TRIM63: variants seen among roughly 807,000 people sequenced by gnomAD.
The protein encoded by TRIM63 is tripartite motif containing 63.
TRIM63 carries 48 observed loss-of-function variants against 46.0 expected under a neutral mutation model. The ratio of observed to expected loss-of-function variants is 1.04; its 90% CI spans 0.83 to 1.33. The LOEUF (loss-of-function observed/expected upper bound fraction) is 1.33. TRIM63 is among the 40% of genes most tolerant of loss of function. The pLI, the probability that TRIM63 is intolerant of heterozygous loss-of-function variation, is 0.00. For synonymous variants in TRIM63, 175 were observed against 162.8 expected (o/e 1.08, Z -0.57); for missense variants, 455 against 441.2 (o/e 1.03, Z -0.28).
chr1:26,066,482 T>C, intron 1 of TRIM63, 42 bp from the exon 2 acceptor site: 1 of 1,490,984 alleles, frequency 6.7e-7, no homozygotes, highest in Non-Finnish European at 8.9e-7. Context: ...GGCTCCCTAC[T>C]TAGCCCTTCT....
Position 26,051,785 on chromosome 1 carries a change from CA to C in TRIM63, c.*87del. 1.4e-6 allele frequency: 1 copy of C among 723,234 alleles called. No homozygotes were observed. Among genetic ancestry groups the C allele is most frequent in the Admixed American group, 3.5e-5 (1 of 28,240 alleles). The allele number at this position is 723,234 out of a possible 1,614,324, so 44.8% of individuals were successfully genotyped here. On this transcript the variant is annotated 3_prime_UTR_variant, in exon 9 of 9. Coordinates refer to ENST00000374272, the MANE Select transcript of TRIM63 (RefSeq NM_032588.4). ...CCCCTCCAGGGGCCCCGACCCCTCC[CA>C]CCCTGGGCCTGTCACCAAGGCCGCT...
chr1:26,066,541 C>T (rs1010422634), intron 1 of TRIM63, 101 bp from the exon 2 acceptor site: 52 of 1,132,364 alleles, frequency 4.6e-5, no homozygotes, highest in Admixed American at 9.1e-5. Flanking sequence ...GAACCACCCC[C>T]GTCAAACCTA....
chr1:26,065,649 CT>C (rs1306174317), intron 2 of TRIM63, among the ~76,000 whole-genome samples: 2 of 152,226 alleles, frequency 1.3e-5, no homozygotes, highest in Non-Finnish European at 2.9e-5. Context: ...ACCTCCACCA[CT>C]CACACATTCT....
intron 2 of TRIM63, among the ~76,000 whole-genome samples, chr1:26,063,792 A>T (rs2050648620): frequency 6.6e-6 from 1 of 152,190 alleles, no homozygotes; most frequent in African/African-American, 2.4e-5. Context: ...CACAGAGCAG[A>T]CCCTCAATAG....
At chr1:26,062,134 G>C (rs1258223760) in intron 2 of TRIM63, among the ~76,000 whole-genome samples, 1 of 151,962 alleles carries the variant, frequency 6.6e-6, no homozygotes, top group Non-Finnish European at 1.5e-5. Context: ...ACCAGGCATG[G>C]TGGCATGCAC....
rs1351140998 is a variant in TRIM63 at position 26,061,148 on chromosome 1, A to T, written c.501+18T>A. 6.2e-7 allele frequency: 1 copy of T among 1,610,144 alleles called. No individual in the cohort carries two copies. The highest frequency in any genetic ancestry group is 8.5e-7 in the Non-Finnish European group (1 of 1,177,560). On this transcript the variant is annotated intron_variant, in intron 3 of 8. Transcript: ENST00000374272. Reference sequence around the variant, plus strand: ...CCAGCAGGCCCAGGCTGGGGGTAAAAGTGGCTGGAGACAGTACCTTTTGTC... The same window carrying T: ...CCAGCAGGCCCAGGCTGGGGGTAAATGTGGCTGGAGACAGTACCTTTTGTC...
At chr1:26,058,901 G>A (rs1249829814) in intron 4 of TRIM63, among the ~76,000 whole-genome samples, 1 of 151,950 alleles carries the variant, frequency 6.6e-6, no homozygotes, top group Non-Finnish European at 1.5e-5. Flanking sequence ...GACACAACAT[G>A]TTCTTCCTTG....
rs2050613846 is a variant in TRIM63, at chr1:26,060,490, G to GC, written c.502-130dup. ...AGAAAGAGCCTCCAGTAGGGATCTG[G>GC]CCCCTCTTTCGGGTATAGCTCAGCT... On this transcript the variant is annotated intron_variant, in intron 3 of 8. Transcript: ENST00000374272. 6.0e-6 allele frequency: 4 copies of GC among 670,144 alleles called. No individual in the cohort carries two copies. In the East Asian group the frequency reaches 1.0e-4, roughly 18 times the overall value. The allele number at this position is 670,144 out of a possible 1,614,324, so 41.5% of individuals were successfully genotyped here.
chr1:26,057,136 T>C (rs2050579336), intron 7 of TRIM63, 67 bp downstream of exon 7: 4 of 1,596,608 alleles, frequency 2.5e-6, no homozygotes, highest in Non-Finnish European at 3.4e-6. Context: ...TCGGGCTCAG[T>C]TGGAGGGATG....
intron 2 of TRIM63, among the ~76,000 whole-genome samples, chr1:26,064,578 C>T (rs923766983): frequency 2.0e-5 from 3 of 152,130 alleles, no homozygotes; most frequent in South Asian, 2.1e-4. Context: ...AATGCCTTCC[C>T]GGGTTACTAT....
chr1:26,057,893 A>G (rs1440169151), intron 5 of TRIM63, among the ~76,000 whole-genome samples: 1 of 152,184 alleles, frequency 6.6e-6, no homozygotes, highest in Non-Finnish European at 1.5e-5. Context: ...TTCTAGGGGT[A>G]TCAATCCCAA....
intron 5 of TRIM63, among the ~76,000 whole-genome samples, 199 bp from the exon 6 acceptor site, chr1:26,057,849 C>T (rs1030862615): frequency 1.3e-5 from 2 of 152,134 alleles, no homozygotes; most frequent in African/African-American, 4.8e-5. Context: ...TTGGTCATCA[C>T]CCTAGGACCC....
At chr1:26,054,008 G>T in intron 7 of TRIM63, 44 bp from the exon 8 acceptor site, 1 of 1,428,648 alleles carries the variant, frequency 7.0e-7, no homozygotes, top group Non-Finnish European at 9.6e-7. Flanking sequence ...CCGGTTCCTT[G>T]AGGAGCTACT....
Position 26,061,286 on chromosome 1 carries a change from A to G in TRIM63, c.381T>C (p.Asp127=). 1 of 1,609,716 alleles carries G rather than the reference A, an allele frequency of 6.2e-7. No homozygotes were observed. The highest frequency in any genetic ancestry group is 1.1e-5 in the South Asian group (1 of 90,986). Residue 127 remains aspartate (D), a synonymous_variant, in exon 3 of 9, where the codon GAT becomes GAC. Coordinates refer to ENST00000374272, the MANE Select transcript of TRIM63 (RefSeq NM_032588.4). Reference sequence around the variant, plus strand: ...TGAGACAGTAGATGTTGATTTTCTCATCTTCGTGCTCCTTGCACATGGGGT... The same window carrying G: ...TGAGACAGTAGATGTTGATTTTCTCGTCTTCGTGCTCCTTGCACATGGGGT... ...GSHPMCKEHE[D]EKINIYCLTC...
chr1:26,060,493 C>T, intron 3 of TRIM63, 132 bp from the exon 4 acceptor site: 1 of 655,070 alleles, frequency 1.5e-6, no homozygotes, highest in Non-Finnish European at 2.7e-6. Context: ...GGATCTGGCC[C>T]CTCTTTCGGG....
intron 1 of TRIM63, among the ~76,000 whole-genome samples, chr1:26,067,108 G>A (rs549762928): frequency 2.0e-5 from 3 of 152,090 alleles, no homozygotes; most frequent in African/African-American, 7.2e-5. Context: ...GCAGGGGTGG[G>A]GGAGCTGTGG....
rs148233667 is a variant in TRIM63 at position 26,060,316 on chromosome 1, G to A, written c.547C>T (p.Arg183Cys). Residue 183 changes from arginine to cysteine, a missense_variant, in exon 4 of 9, where the codon CGT (arginine) becomes TGT (cysteine). Coordinates refer to ENST00000374272, the MANE Select transcript of TRIM63 (RefSeq NM_032588.4). ...AGCTGAGTGATGATGGTCTGCACAC[G>A]GTCATTCCCCGCCACCAGCATGGAG... ...CISMLVAGND[R>C]VQTIITQLED... 19 of 1,613,892 alleles carry A rather than the reference G, an allele frequency of 1.2e-5. No individual in the cohort carries two copies. The highest frequency in any genetic ancestry group is 5.3e-5 in the African/African-American group (4 of 74,892).
In TRIM63 at chr1:26,057,648, A is replaced by G. The variant is rs1310284330; in HGVS notation, c.834T>C (p.Thr278=). 5.6e-6 allele frequency: 9 copies of G among 1,609,714 alleles called. No individual in the cohort carries two copies. The highest frequency in any genetic ancestry group is 1.3e-5 in the African/African-American group (1 of 74,758). Reference sequence around the variant, plus strand: ...CTGACCTTTTGATGAGTTGCTTGGCAGTCTGCAGGGGGAGAGAGAACAAAG... The same window carrying G: ...CTGACCTTTTGATGAGTTGCTTGGCGGTCTGCAGGGGGAGAGAGAACAAAG... ...DEPGGATFLL[T]AKQLIKSIVE... The change falls in exon 6 of 9, where the codon ACT becomes ACC. Residue 278 remains threonine (T), a splice_region_variant and synonymous_variant. Transcript: ENST00000374272.
At position 26,051,693 on chromosome 1, in the gene TRIM63, C is replaced by A. The variant is rs1425111799; in HGVS notation, c.*180G>T. The A allele has an allele frequency of 2.4e-6, 1 of 422,412 alleles. No individual in the cohort carries two copies. The highest frequency in any genetic ancestry group is 2.1e-5 in the African/African-American group (1 of 48,748). 26.2% of individuals were successfully genotyped at this position (422,412 alleles called of 1,614,324 possible). A position where few individuals can be genotyped will look rare whatever the true frequency, so the allele number is the denominator to read the frequency against. Reference sequence around the variant, plus strand: ...CAATTCTGGTTCAGTGTCTGCTGGACGCAGCGGTGAGGGTCCTACCCTAGT... The same window carrying A: ...CAATTCTGGTTCAGTGTCTGCTGGAAGCAGCGGTGAGGGTCCTACCCTAGT... On this transcript the variant is annotated 3_prime_UTR_variant, in exon 9 of 9. Coordinates refer to ENST00000374272, the MANE Select transcript of TRIM63 (RefSeq NM_032588.4).
Sources: gnomAD v4.1 joint callset for allele counts (sites outside exome capture counted in the v4.1 genomes callset) on GRCh38, gnomAD v4.1.1 for gene constraint, MANE v1.5 for transcripts, NCBI Gene and HGNC (gene_info 2026-07-23, HGNC 2026-07-21) for gene names.